Variants in PPP4R1 observed in about 807,000 individuals in gnomAD.
PPP4R1 encodes the protein protein phosphatase 4 regulatory subunit 1.
In PPP4R1, 42 loss-of-function variants were observed where a neutral mutation model predicts 111.2. That is an observed-to-expected ratio of 0.38 (90% CI 0.29 to 0.49). The LOEUF (loss-of-function observed/expected upper bound fraction) is 0.49. PPP4R1 is among the 20% of genes least tolerant of loss of function. The probability of loss-of-function intolerance (pLI) is 0.97; values close to 1 mark genes in which losing one functional copy is unlikely to be tolerated. For synonymous variants in PPP4R1, 409 were observed against 405.5 expected (o/e 1.01, Z -0.10); for missense variants, 1,012 against 1,161.6 (o/e 0.87, Z 1.87).
intron 15 of PPP4R1, among the ~76,000 whole-genome samples, chr18:9,555,930 A>T (rs1404186799): frequency 1.3e-5 from 2 of 151,832 alleles, no homozygotes; most frequent in African/African-American, 2.4e-5. Flanking sequence ...AGATCAGGAG[A>T]TCAAGACCAT....
At chr18:9,558,368 A>G (rs767416916) in intron 14 of PPP4R1, among the ~76,000 whole-genome samples, 2 of 152,234 alleles carry the variant, frequency 1.3e-5, no homozygotes, top group East Asian at 3.8e-4. Context: ...GGAACCCTAC[A>G]GTTCTGTAGA....
At chr18:9,589,412 G>A (rs1385257032) in intron 4 of PPP4R1, among the ~76,000 whole-genome samples, 1 of 152,126 alleles carries the variant, frequency 6.6e-6, no homozygotes, top group Non-Finnish European at 1.5e-5. Context: ...GAGAAATATG[G>A]CATTTCAAAT....
intron 13 of PPP4R1, 26 bp downstream of exon 13, chr18:9,561,954 A>G (rs1284165922): frequency 6.4e-7 from 1 of 1,563,646 alleles, no homozygotes; most frequent in Non-Finnish European, 8.8e-7. Context: ...CACACCCACA[A>G]AAGAACACAT....
chr18:9,593,524 A>G (rs1444909241), intron 4 of PPP4R1, among the ~76,000 whole-genome samples: 1 of 152,110 alleles, frequency 6.6e-6, no homozygotes, highest in African/African-American at 2.4e-5. Context: ...CATGATGCAA[A>G]ACAATGTTTT....
At chr18:9,555,894 T>C (rs568628321) in intron 15 of PPP4R1, among the ~76,000 whole-genome samples, 5 of 151,972 alleles carry the variant, frequency 3.3e-5, no homozygotes, top group East Asian at 2.0e-4. Context: ...CCCAGCACTT[T>C]GGGAGGCCAA....
chr18:9,589,375 C>T (rs1328665916), intron 4 of PPP4R1, among the ~76,000 whole-genome samples: 1 of 151,844 alleles, frequency 6.6e-6, no homozygotes, highest in Non-Finnish European at 1.5e-5. Context: ...CTGAAAAGAC[C>T]CAAGTGCATA....
At chr18:9,601,299 G>A (rs1484145638) in intron 2 of PPP4R1, among the ~76,000 whole-genome samples, 2 of 151,238 alleles carry the variant, frequency 1.3e-5, no homozygotes, top group Non-Finnish European at 2.9e-5. Flanking sequence ...GAGGCAGGTA[G>A]ATCACTTAGA....
chr18:9,575,031 G>A (rs142185658), intron 10 of PPP4R1, among the ~76,000 whole-genome samples: 318 of 152,340 alleles, frequency 2.1e-3, no homozygotes, highest in Middle Eastern at 6.8e-3. Context: ...CAGGGTGAGT[G>A]AAAGATCTGA....
chr18:9,614,429 G>C lies in PPP4R1; in HGVS notation c.7+49C>G, dbSNP rs1010783032. ...GCCACTCAGGGCTGCGGCGGAGGGC[G>C]GGTGGGCTCGAGGAGCCGCCGCCGC... On this transcript the variant is annotated intron_variant, in intron 1 of 19. Transcript: ENST00000400556. This position sits in a 1 kb window ranked among gnomAD's most constrained non-coding sequence, Gnocchi z 4.1. 2 of 1,019,036 alleles carry C rather than the reference G, an allele frequency of 2.0e-6. No homozygotes were observed. The highest frequency in any genetic ancestry group is 1.7e-5 in the African/African-American group (1 of 57,202). The allele number at this position is 1,019,036 out of a possible 1,614,324, so 63.1% of individuals were successfully genotyped here. A position where few individuals can be genotyped will look rare whatever the true frequency, so the allele number is the denominator to read the frequency against.
At chr18:9,585,123 T>A (rs1329268986) in intron 6 of PPP4R1, among the ~76,000 whole-genome samples, 1 of 152,188 alleles carries the variant, frequency 6.6e-6, no homozygotes, top group Non-Finnish European at 1.5e-5. Flanking sequence ...TCCATCTTAC[T>A]ACTACTTCAT....
chr18:9,588,138 T>C lies in PPP4R1; in HGVS notation c.536A>G (p.Glu179Gly). The change falls in exon 6 of 20, where the codon GAG (glutamate) becomes GGG (glycine). Residue 179 changes from glutamate (E) to glycine (G), a missense_variant. Transcript: ENST00000400556. The stretch of plus-strand genomic sequence containing the variant: ...ATCATTGCTATCTGGGGCTGTCAGC[T>C]CTATGAGGACAGGGCACACTTTGGT... ...VETKVCPVLI[E>G]LTAPDSNDDV... 1 of 1,614,194 alleles carries C rather than the reference T, an allele frequency of 6.2e-7. No homozygotes were observed. Among genetic ancestry groups the C allele is most frequent in the Non-Finnish European group, 8.5e-7 (1 of 1,180,028 alleles).
At chr18:9,549,111 C>T in intron 19 of PPP4R1, 86 bp downstream of exon 19, 20 of 1,469,922 alleles carry the variant, frequency 1.4e-5, no homozygotes, top group Non-Finnish European at 1.8e-5. Flanking sequence ...GCAGACAATA[C>T]TTCTGCTTTG....
At chr18:9,563,285 C>CAAACTA (rs3837876) in intron 12 of PPP4R1, 93 bp downstream of exon 12, 244,791 of 1,366,108 alleles carry the variant, frequency 0.18, 25,333 homozygotes, top group East Asian at 0.47. Context: ...ACAGAACATA[C>CAAACTA]AAACTAAAAG....
chr18:9,552,554 C>T (rs982512591), intron 16 of PPP4R1, among the ~76,000 whole-genome samples: 1 of 152,276 alleles, frequency 6.6e-6, no homozygotes, highest in African/African-American at 2.4e-5. Flanking sequence ...CTGGAACTCC[C>T]ATACATTGCT....
intron 9 of PPP4R1, among the ~76,000 whole-genome samples, chr18:9,580,151 T>C (rs917890202): frequency 1.2e-4 from 18 of 152,150 alleles, no homozygotes; most frequent in African/African-American, 3.9e-4. Context: ...GGAATGAATA[T>C]GCAAAGGTCC....
intron 11 of PPP4R1, among the ~76,000 whole-genome samples, chr18:9,564,730 GT>G (rs1568094791): frequency 5.0e-5 from 4 of 80,474 alleles, no homozygotes; most frequent in African/African-American, 1.1e-4. Flanking sequence ...GTGTGTGTGT[GT>G]GTGTGTGGGG....
At chr18:9,573,152 T>C (rs774868159) in intron 10 of PPP4R1, among the ~76,000 whole-genome samples, 1 of 152,210 alleles carries the variant, frequency 6.6e-6, no homozygotes, top group Non-Finnish European at 1.5e-5. Flanking sequence ...ATTTTGTCCA[T>C]ATTAAAAAAT....
At chr18:9,548,607 A>G (rs2066437621) in intron 19 of PPP4R1, among the ~76,000 whole-genome samples, 1 of 152,168 alleles carries the variant, frequency 6.6e-6, no homozygotes, top group Non-Finnish European at 1.5e-5. Flanking sequence ...ACATAAAAAC[A>G]ACACCCAAGT....
chr18:9,557,475 G>T, intron 14 of PPP4R1, 93 bp from the exon 15 acceptor site: 1 of 1,125,304 alleles, frequency 8.9e-7, no homozygotes, highest in Non-Finnish European at 1.2e-6. Context: ...ATATATGAAT[G>T]TTACTAACCT....
Sources: allele counts gnomAD v4.1 joint callset (sites outside exome capture counted in the v4.1 genomes callset), GRCh38; gene constraint gnomAD v4.1.1; non-coding constraint Gnocchi (gnomAD v3.1); transcripts MANE v1.5; gene names NCBI Gene and HGNC (gene_info 2026-07-23, HGNC 2026-07-21).